NETO1: variants seen among roughly 807,000 people sequenced by gnomAD.
The protein encoded by NETO1 is neuropilin and tolloid-like protein 1.
In NETO1, 26 loss-of-function variants were observed where a neutral mutation model predicts 61.3. That is an observed-to-expected ratio of 0.42 (90% CI 0.31 to 0.59). NETO1 has a LOEUF of 0.59. NETO1 is among the 20% of genes least tolerant of loss of function. The pLI, the probability that NETO1 is intolerant of heterozygous loss-of-function variation, is 0.12. For synonymous variants in NETO1, 225 were observed against 225.8 expected (o/e 1.00, Z 0.03); for missense variants, 531 against 662.8 (o/e 0.80, Z 2.18).
chr18:72,767,444 C>T (rs1032522758), intron 7 of NETO1, among the ~76,000 whole-genome samples: 40 of 151,960 alleles, frequency 2.6e-4, no homozygotes, highest in African/African-American at 8.5e-4. Flanking sequence ...CTAAATGGTT[C>T]GATGGAAAGT....
intron 7 of NETO1, among the ~76,000 whole-genome samples, chr18:72,758,657 T>C (rs991954726): frequency 2.6e-5 from 4 of 151,932 alleles, no homozygotes; most frequent in Non-Finnish European, 5.9e-5. Flanking sequence ...GCCAACATGG[T>C]GAAGCCCGTC....
intron 4 of NETO1, among the ~76,000 whole-genome samples, chr18:72,848,794 T>A (rs1330492499): frequency 6.6e-6 from 1 of 152,188 alleles, no homozygotes; most frequent in African/African-American, 2.4e-5. Context: ...TGTTTCTTGC[T>A]TGTAGGCATT....
At chr18:72,772,263 C>G (rs1230419643) in intron 7 of NETO1, among the ~76,000 whole-genome samples, 1 of 152,128 alleles carries the variant, frequency 6.6e-6, no homozygotes, top group Non-Finnish European at 1.5e-5. Flanking sequence ...CTTTATTTAG[C>G]TGGCTCAGAC....
chr18:72,823,408 A>T (rs968533218), intron 4 of NETO1, among the ~76,000 whole-genome samples: 2 of 152,128 alleles, frequency 1.3e-5, no homozygotes, highest in African/African-American at 4.8e-5. Flanking sequence ...GAGAGGGCAG[A>T]AAAGGCCTCT....
chr18:72,748,993 G>T, intron 10 of NETO1, 21 bp downstream of exon 10: 1 of 1,507,432 alleles, frequency 6.6e-7, no homozygotes, highest in South Asian at 1.1e-5. Flanking sequence ...GTAGGAAAAG[G>T]AACCAAGGGC....
chr18:72,863,118 C>A (rs1024749443), intron 3 of NETO1, among the ~76,000 whole-genome samples: 1 of 152,152 alleles, frequency 6.6e-6, no homozygotes, highest in African/African-American at 2.4e-5. Flanking sequence ...TCATTGTCTC[C>A]AACATAATGT....
chr18:72,820,186 T>C (rs1460677295), intron 4 of NETO1, among the ~76,000 whole-genome samples: 1 of 152,224 alleles, frequency 6.6e-6, no homozygotes, highest in African/African-American at 2.4e-5. Flanking sequence ...GTTCATTTAA[T>C]TTATATATAG....
intron 7 of NETO1, among the ~76,000 whole-genome samples, chr18:72,759,209 C>T (rs2070889040): frequency 6.6e-6 from 1 of 152,090 alleles, no homozygotes; most frequent in African/African-American, 2.4e-5. Context: ...TTCTACCTGC[C>T]CCAGATACCC....
At chr18:72,831,842 G>C (rs546752364) in intron 4 of NETO1, among the ~76,000 whole-genome samples, 5 of 151,672 alleles carry the variant, frequency 3.3e-5, no homozygotes, top group Middle Eastern at 3.4e-3. Context: ...GCCAGTATTT[G>C]TCTTTGGGTA....
intron 8 of NETO1, among the ~76,000 whole-genome samples, chr18:72,753,053 G>A (rs1453607418): frequency 6.6e-6 from 1 of 151,932 alleles, no homozygotes; most frequent in East Asian, 1.9e-4. Flanking sequence ...ATACTGTAAT[G>A]GGAGTATAAG....
intron 4 of NETO1, among the ~76,000 whole-genome samples, chr18:72,840,500 T>C (rs936928061): frequency 6.6e-6 from 1 of 152,176 alleles, no homozygotes; most frequent in South Asian, 2.1e-4. Context: ...TCCAACGATA[T>C]GAGCAATAGG....
At chr18:72,758,836 T>C (rs1283104063) in intron 7 of NETO1, among the ~76,000 whole-genome samples, 1 of 152,042 alleles carries the variant, frequency 6.6e-6, no homozygotes, top group African/African-American at 2.4e-5. Flanking sequence ...AGAAAGACCC[T>C]ATCTCAAAAC....
Position 72,852,839 on chromosome 18 carries a change from T to C in NETO1, c.469+5987A>G, listed in dbSNP as rs1436495664. Among the ~76,000 whole-genome samples, 5 of 149,976 alleles carry C rather than the reference T, an allele frequency of 3.3e-5. No individual in the cohort carries two copies. In the South Asian group the frequency reaches 6.4e-4, roughly 19 times the overall value. On this transcript the variant is annotated intron_variant, in intron 4 of 10. Coordinates refer to ENST00000327305, the MANE Select transcript of NETO1 (RefSeq NM_138966.5). The stretch of plus-strand genomic sequence containing the variant: ...CATTGATAATTTTCTTTTTCTTTTT[T>C]TTTTTTTTTTTGAGACAGGGTCTTG...
At chr18:72,768,034 G>A (rs918044327) in intron 7 of NETO1, among the ~76,000 whole-genome samples, 1 of 152,170 alleles carries the variant, frequency 6.6e-6, no homozygotes, top group Non-Finnish European at 1.5e-5. Context: ...GGCATCACAC[G>A]TAAGAAAGTG....
intron 4 of NETO1, among the ~76,000 whole-genome samples, chr18:72,829,547 A>T (rs2073504744): frequency 6.6e-6 from 1 of 152,174 alleles, no homozygotes; most frequent in Non-Finnish European, 1.5e-5. Context: ...TGAAATTTAA[A>T]TGTATATTTA....
chr18:72,849,808 G>C (rs2074196148), intron 4 of NETO1, among the ~76,000 whole-genome samples: 1 of 152,136 alleles, frequency 6.6e-6, no homozygotes, highest in African/African-American at 2.4e-5. Context: ...TCCTTTCCTT[G>C]GAGGCTGCAG....
chr18:72,766,518 A>G (rs2071167035), intron 7 of NETO1, among the ~76,000 whole-genome samples: 1 of 151,934 alleles, frequency 6.6e-6, no homozygotes, highest in Non-Finnish European at 1.5e-5. Context: ...GTCCTTTATC[A>G]CCTTCATAGT....
chr18:72,837,883 C>T (rs117932676), intron 4 of NETO1, among the ~76,000 whole-genome samples: 2,006 of 151,810 alleles, frequency 0.013, 58 homozygotes, highest in East Asian at 0.095. Flanking sequence ...AACATTCTCC[C>T]TCCCCATCAC....
chr18:72,822,213 A>G (rs997357858), intron 4 of NETO1, among the ~76,000 whole-genome samples: 1 of 152,188 alleles, frequency 6.6e-6, no homozygotes, highest in Admixed American at 6.5e-5. Context: ...AAATTATCTG[A>G]GAGCTTAACT....
Sources: allele counts gnomAD v4.1 joint callset (sites outside exome capture counted in the v4.1 genomes callset), GRCh38; gene constraint gnomAD v4.1.1; transcripts MANE v1.5; gene names NCBI Gene and HGNC (gene_info 2026-07-23, HGNC 2026-07-21).